Variants in SERTAD4 observed in about 807,000 individuals in gnomAD.
SERTAD4 encodes SERTA domain-containing protein 4.
Under a neutral mutation model 32.9 loss-of-function variants are expected in SERTAD4, and 18 were observed. The ratio of observed to expected loss-of-function variants is 0.55; its 90% CI spans 0.38 to 0.81. The LOEUF (loss-of-function observed/expected upper bound fraction) is 0.81. Ranked by LOEUF, SERTAD4 falls within the 30% of genes least tolerant of loss-of-function variation. The pLI, the probability that SERTAD4 is intolerant of heterozygous loss-of-function variation, is 0.00. For synonymous variants in SERTAD4, 150 were observed against 156.4 expected (o/e 0.96, Z 0.30); for missense variants, 383 against 426.0 (o/e 0.90, Z 0.89).
chr1:210,236,377 A>G (rs1411509925), intron 1 of SERTAD4, among the ~76,000 whole-genome samples: 2 of 152,166 alleles, frequency 1.3e-5, no homozygotes, highest in East Asian at 1.9e-4. Flanking sequence ...TGACCTGTAC[A>G]CCTTCCCTGT....
intron 2 of SERTAD4, among the ~76,000 whole-genome samples, chr1:210,238,421 T>G (rs1392018546): frequency 1.3e-5 from 2 of 152,230 alleles, no homozygotes; most frequent in Non-Finnish European, 2.9e-5. Flanking sequence ...ATTGAAACTC[T>G]GAGTTTGGGT....
rs191979564 is a variant in SERTAD4 at position 210,243,831 on chromosome 1, A to C, written c.*1494A>C. 6.5e-4 allele frequency: 99 copies of C among 152,294 alleles called. No individual in the cohort carries two copies. The highest frequency in any genetic ancestry group is 2.0e-3 in the African/African-American group (83 of 41,560). The allele number at this position is 152,294 out of a possible 1,614,324, so 9.4% of individuals were successfully genotyped here. Reference sequence around the variant, plus strand: ...AAGCCCTCCCAGTTTCTCCAAGATAAAGCTTTTTTTATTATTGCTATTAAT... The same window carrying C: ...AAGCCCTCCCAGTTTCTCCAAGATACAGCTTTTTTTATTATTGCTATTAAT... On this transcript the variant is annotated 3_prime_UTR_variant, in exon 4 of 4. Transcript: ENST00000367012.
chr1:210,235,084 A>G (rs901075181), intron 1 of SERTAD4, among the ~76,000 whole-genome samples: 2 of 152,160 alleles, frequency 1.3e-5, no homozygotes, highest in African/African-American at 4.8e-5. Context: ...TGCATAGACA[A>G]AACACACTCT....
chr1:210,236,889 C>G (rs1304449285), intron 1 of SERTAD4, among the ~76,000 whole-genome samples: 1 of 152,192 alleles, frequency 6.6e-6, no homozygotes, highest in Non-Finnish European at 1.5e-5. Context: ...CTCTCCTCTC[C>G]CTTGAACTTA....
At position 210,244,091 on chromosome 1, in the gene SERTAD4, T is replaced by C. The variant is rs2084025221; in HGVS notation, c.*1754T>C. 1 of 152,210 alleles carries C rather than the reference T, an allele frequency of 6.6e-6. No homozygotes were observed. Among genetic ancestry groups the C allele is most frequent in the African/African-American group, 2.4e-5 (1 of 41,464 alleles). The allele number at this position is 152,210 out of a possible 1,614,324, so 9.4% of individuals were successfully genotyped here. On this transcript the variant is annotated 3_prime_UTR_variant, in exon 4 of 4. Coordinates refer to ENST00000367012, the MANE Select transcript of SERTAD4 (RefSeq NM_019605.5). ...TCTTGATATATATTTATTAAGATGA[T>C]AAAAATTCATTAAGTTTTTTAAATT...
intron 1 of SERTAD4, chr1:210,237,233 C>G (rs923028870): frequency 2.6e-5 from 4 of 152,272 alleles, no homozygotes; most frequent in Admixed American, 2.0e-4. Flanking sequence ...CGGCTTGAAA[C>G]TGGAGCCAAT....
In SERTAD4 at chr1:210,246,178, G is replaced by T. The variant is rs2084047360; in HGVS notation, c.*3841G>T. 6.5e-6 allele frequency: 1 copy of T among 153,174 alleles called. No individual in the cohort carries two copies. The highest frequency in any genetic ancestry group is 1.5e-5 in the Non-Finnish European group (1 of 68,876). The allele number at this position is 153,174 out of a possible 1,614,324, so 9.5% of individuals were successfully genotyped here. A position where few individuals can be genotyped will look rare whatever the true frequency, so the allele number is the denominator to read the frequency against. On this transcript the variant is annotated 3_prime_UTR_variant, in exon 4 of 4. Coordinates refer to ENST00000367012, the MANE Select transcript of SERTAD4 (RefSeq NM_019605.5). ...AAGAAGAGACAATGTATGGTTTATAGTGATTCATTTTAAGATTGCTGTATT... is the reference window on the plus strand; with the variant it reads ...AAGAAGAGACAATGTATGGTTTATATTGATTCATTTTAAGATTGCTGTATT...
chr1:210,241,898 G>C lies in SERTAD4; in HGVS notation c.632G>C (p.Gly211Ala). ...NLPLSVNANV[G>A]SASTAASSPS... is the part of the protein sequence containing the mutation. ...CCCCTTTCTGTCAATGCTAATGTTG[G>C]AAGTGCCTCCACTGCTGCCTCCTCT... is the stretch of plus-strand genomic sequence containing the variant. The change falls in exon 4 of 4, where the codon GGA (glycine) becomes GCA (alanine). Residue 211 changes from glycine (G) to alanine (A), a missense_variant. Physicochemically the swap from Gly to Ala is moderately conservative, Grantham distance 60. This residue lies in a region of SERTAD4 where 180 missense variants were observed against 190.6 expected (regional missense o/e 0.94). Coordinates refer to ENST00000367012, the MANE Select transcript of SERTAD4 (RefSeq NM_019605.5). 1 of 1,614,084 alleles carries C rather than the reference G, an allele frequency of 6.2e-7. No homozygotes were observed. Among genetic ancestry groups the C allele is most frequent in the Non-Finnish European group, 8.5e-7 (1 of 1,180,010 alleles).
At chr1:210,233,678 C>A (rs1347467665) in intron 1 of SERTAD4, 1 of 470,558 alleles carries the variant, frequency 2.1e-6, no homozygotes, top group Non-Finnish European at 4.4e-6. Flanking sequence ...TCCACGCCTC[C>A]GCCTCTCGCT....
Position 210,243,662 on chromosome 1 carries a change from C to G in SERTAD4, c.*1325C>G, listed in dbSNP as rs1355790145. The G allele has an allele frequency of 6.6e-6, 1 of 152,108 alleles. No homozygotes were observed. Among genetic ancestry groups the G allele is most frequent in the African/African-American group, 2.4e-5 (1 of 41,428 alleles). The allele number at this position is 152,108 out of a possible 1,614,324, so 9.4% of individuals were successfully genotyped here. Reference sequence around the variant, plus strand: ...TTAACTTGTACATTTGAAAAGTGTTCAGAGTGGCCCTCCTACCATCCTTCC... The same window carrying G: ...TTAACTTGTACATTTGAAAAGTGTTGAGAGTGGCCCTCCTACCATCCTTCC... On this transcript the variant is annotated 3_prime_UTR_variant, in exon 4 of 4. Transcript: ENST00000367012.
chr1:210,240,722 C>T (rs986685153), intron 3 of SERTAD4, among the ~76,000 whole-genome samples: 3 of 152,200 alleles, frequency 2.0e-5, no homozygotes, highest in Non-Finnish European at 2.9e-5. Flanking sequence ...CATTTCCTCT[C>T]GGCATCTCGT....
Position 210,242,502 on chromosome 1 carries a change from A to G in SERTAD4, c.*165A>G, listed in dbSNP as rs1293141108. The G allele has an allele frequency of 1.5e-6, 2 of 1,370,518 alleles. No individual in the cohort carries two copies. The highest frequency in any genetic ancestry group is 9.3e-7 in the Non-Finnish European group (1 of 1,069,846). 84.9% of individuals were successfully genotyped at this position (1,370,518 alleles called of 1,614,324 possible). A position where few individuals can be genotyped will look rare whatever the true frequency, so the allele number is the denominator to read the frequency against. On this transcript the variant is annotated 3_prime_UTR_variant, in exon 4 of 4. Transcript: ENST00000367012. The surrounding 1 kb of genome is among the most constrained non-coding windows in gnomAD (Gnocchi z 4.0). ...AGCAGATTGCGTAAAACATCTGTATAGCAGGCATCAGCGAGCTTCTTATAA... is the reference window on the plus strand; with the variant it reads ...AGCAGATTGCGTAAAACATCTGTATGGCAGGCATCAGCGAGCTTCTTATAA...
chr1:210,244,541 A>G lies in SERTAD4; in HGVS notation c.*2204A>G, dbSNP rs1315733370. On this transcript the variant is annotated 3_prime_UTR_variant, in exon 4 of 4. Transcript: ENST00000367012. Reference sequence around the variant, plus strand: ...CATACAATTCCATATTAATGTTCTTAGGAGCTAATATTTGATAAAGGGGAA... The same window carrying G: ...CATACAATTCCATATTAATGTTCTTGGGAGCTAATATTTGATAAAGGGGAA... 1 of 152,226 alleles carries G rather than the reference A, an allele frequency of 6.6e-6. No homozygotes were observed. The highest frequency in any genetic ancestry group is 1.5e-5 in the Non-Finnish European group (1 of 68,040). The allele number at this position is 152,226 out of a possible 1,614,324, so 9.4% of individuals were successfully genotyped here.
At position 210,241,023 on chromosome 1, in the gene SERTAD4, C is replaced by T. The variant is rs986735899; in HGVS notation, c.292-535C>T. On this transcript the variant is annotated intron_variant, in intron 3 of 3. Coordinates refer to ENST00000367012, the MANE Select transcript of SERTAD4 (RefSeq NM_019605.5). ...GTCTGTGTGTGTGTATTTGTATAGA[C>T]ACACATAAAAAAGTACAGGTATCAC... Among the ~76,000 whole-genome samples, 3 of 151,970 alleles carry T rather than the reference C, an allele frequency of 2.0e-5. No individual in the cohort carries two copies. The South Asian group carries it at 6.2e-4, about 32-fold the overall frequency.
intron 2 of SERTAD4, among the ~76,000 whole-genome samples, chr1:210,238,455 T>C (rs1406848585): frequency 2.0e-5 from 3 of 152,246 alleles, no homozygotes; most frequent in Non-Finnish European, 4.4e-5. Flanking sequence ...CCTGTGGAAC[T>C]GTATGGTTCT....
chr1:210,232,850 G>A lies in SERTAD4; in HGVS notation c.-179G>A, dbSNP rs1366052094. On this transcript the variant is annotated 5_prime_UTR_variant, in exon 1 of 4. Coordinates refer to ENST00000367012, the MANE Select transcript of SERTAD4 (RefSeq NM_019605.5). ...CGCAGCGCCCCAGTCGCGGCGGCGG[G>A]ACCTGCCGGGACCCTTGCCCGCCGC... 6.6e-6 allele frequency: 1 copy of A among 150,816 alleles called. No individual in the cohort carries two copies. The highest frequency in any genetic ancestry group is 2.4e-5 in the African/African-American group (1 of 41,376). 9.3% of individuals were successfully genotyped at this position (150,816 alleles called of 1,614,324 possible).
rs1176786642 is a variant in SERTAD4, at chr1:210,238,001, T to A, written c.41T>A (p.Ile14Asn). ...TCCATGAATAGATTCTGCGAGCCCA[T>A]TGTCTCGGAAGGAGCTGCTGAAATT... is the stretch of plus-strand genomic sequence containing the variant. The part of the protein sequence containing the change: ...VLSMNRFCEP[I>N]VSEGAAEIAG... The change falls in exon 2 of 4, where the codon ATT becomes AAT. Residue 14 changes from isoleucine (I) to asparagine (N), a missense_variant. Ile to Asn is a moderately radical substitution (Grantham distance 149, BLOSUM62 -3). Transcript: ENST00000367012. 5 of 1,613,506 alleles carry A rather than the reference T, an allele frequency of 3.1e-6. No homozygotes were observed. Among genetic ancestry groups the A allele is most frequent in the Non-Finnish European group, 4.2e-6 (5 of 1,179,824 alleles).
rs879920909 is a variant in SERTAD4, at chr1:210,245,808, C to G, written c.*3471C>G. On this transcript the variant is annotated 3_prime_UTR_variant, in exon 4 of 4. Transcript: ENST00000367012. ...TCCTTTCTGTGTATCAGGAGCAGAGCAGAGGACAACTTGTAGAAGACATGA... is the reference window on the plus strand; with the variant it reads ...TCCTTTCTGTGTATCAGGAGCAGAGGAGAGGACAACTTGTAGAAGACATGA... 1.0e-4 allele frequency: 99 copies of G among 985,190 alleles called. No homozygotes were observed. Among genetic ancestry groups the G allele is most frequent in the Admixed American group, 3.1e-4 (5 of 16,248 alleles). The allele number at this position is 985,190 out of a possible 1,614,324, so 61.0% of individuals were successfully genotyped here. A position where few individuals can be genotyped will look rare whatever the true frequency, so the allele number is the denominator to read the frequency against.
chr1:210,237,918 C>A, intron 1 of SERTAD4, 26 bp from the exon 2 acceptor site: 1 of 1,490,448 alleles, frequency 6.7e-7, no homozygotes, highest in South Asian at 1.2e-5. Context: ...TTTCTTCATT[C>A]TTGTTTTTTT....
Sources: allele counts gnomAD v4.1 joint callset (sites outside exome capture counted in the v4.1 genomes callset), GRCh38; gene constraint gnomAD v4.1.1; regional missense constraint gnomAD v4.1.1; non-coding constraint Gnocchi (gnomAD v3.1); transcripts MANE v1.5; gene names NCBI Gene and HGNC (gene_info 2026-07-23, HGNC 2026-07-21).